Variants in ADGRL2 observed in about 807,000 individuals in gnomAD.
The protein encoded by ADGRL2 is calcium-independent alpha-latrotoxin receptor 2.
In ADGRL2, 44 loss-of-function variants were observed where a neutral mutation model predicts 157.4. That is an observed-to-expected ratio of 0.28 (90% confidence interval 0.22 to 0.36). ADGRL2 has a LOEUF of 0.36. Among genes scored for constraint, ADGRL2 ranks in the 10% least tolerant of loss-of-function variants. ADGRL2 has a pLI of 1.00. For synonymous variants in ADGRL2, 585 were observed against 624.7 expected, an observed-to-expected ratio of 0.94 and a Z score of 0.95; for missense variants, 1,510 against 1,768.9, an observed-to-expected ratio of 0.85 and a Z score of 2.63.
chr1:81,798,085 G>A (rs1345840276), upstream of ADGRL2, among the ~76,000 whole-genome samples: 3 of 152,168 alleles, frequency 2.0e-5, no homozygotes, highest in Non-Finnish European at 4.4e-5. Context: ...TGCAGGGAAT[G>A]CGTAACATAC....
intron 17 of ADGRL2, among the ~76,000 whole-genome samples, chr1:81,973,939 A>AT (rs1659476449): frequency 7.3e-6 from 1 of 137,868 alleles, no homozygotes; most frequent in East Asian, 2.0e-4. Flanking sequence ...TGTGGGGAAA[A>AT]AATATATATA....
At chr1:81,413,823 C>G (rs935881987) in intron 1 of ADGRL2, among the ~76,000 whole-genome samples, 3 of 151,862 alleles carry the variant, frequency 2.0e-5, no homozygotes, top group Non-Finnish European at 2.9e-5. Context: ...TATATACACA[C>G]ATACACATAC....
chr1:81,636,101 C>A (rs2082109877), intron 3 of ADGRL2, among the ~76,000 whole-genome samples: 1 of 152,172 alleles, frequency 6.6e-6, no homozygotes, highest in Non-Finnish European at 1.5e-5. Context: ...CATTTGTAGA[C>A]TGGCTGACCT....
At chr1:81,498,675 C>G (rs2078779933) in intron 2 of ADGRL2, among the ~76,000 whole-genome samples, 2 of 152,112 alleles carry the variant, frequency 1.3e-5, no homozygotes, top group Admixed American at 1.3e-4. Flanking sequence ...GCAAGCTATT[C>G]TCTTTAAATT....
intron 1 of ADGRL2, among the ~76,000 whole-genome samples, chr1:81,358,743 C>T (rs1246823378): frequency 6.6e-6 from 1 of 151,982 alleles, no homozygotes; most frequent in Non-Finnish European, 1.5e-5. Context: ...CTACTGTTGT[C>T]CTCACCTAGA....
chr1:81,400,144 G>T (rs543298040), intron 1 of ADGRL2, among the ~76,000 whole-genome samples: 1 of 152,182 alleles, frequency 6.6e-6, no homozygotes, highest in African/African-American at 2.4e-5. Context: ...AGTGGTAAGG[G>T]CTTTGGGGGG....
chr1:81,727,870 T>C (rs1410232657), intron 1 of ADGRL2, among the ~76,000 whole-genome samples: 1 of 151,826 alleles, frequency 6.6e-6, no homozygotes, highest in African/African-American at 2.4e-5. Context: ...GGTTATGGAC[T>C]TTTTTTAACA....
At chr1:81,598,446 T>G (rs1180953063) in intron 3 of ADGRL2, among the ~76,000 whole-genome samples, 1 of 152,248 alleles carries the variant, frequency 6.6e-6, no homozygotes, top group Non-Finnish European at 1.5e-5. Flanking sequence ...TTGTTCACCC[T>G]GTACATATAA....
chr1:81,361,090 T>C (rs573733821), intron 1 of ADGRL2, among the ~76,000 whole-genome samples: 1 of 152,074 alleles, frequency 6.6e-6, no homozygotes, highest in South Asian at 2.1e-4. Flanking sequence ...TTCAGTCTTA[T>C]ATTTTAAAAG....
intron 1 of ADGRL2, among the ~76,000 whole-genome samples, chr1:81,807,672 A>C (rs2089330436): frequency 6.6e-6 from 1 of 151,972 alleles, no homozygotes; most frequent in African/African-American, 2.4e-5. Context: ...AGGGTCTGTC[A>C]ACCCTAAATT....
rs183696014 is a variant in ADGRL2, at chr1:81,333,145, G to A, written c.-302+26636G>A. 2.8e-3 allele frequency among the ~76,000 whole-genome samples: 428 copies of A among 152,194 alleles called. 4 individuals are homozygous for A. The highest frequency in any genetic ancestry group is 5.1e-3 in the Non-Finnish European group (350 of 68,006). ...TCATTTAAAAGGTGTTTATGTTAAGGCTTTCCTTAGCATCTACCAGAGTGT... is the reference window on the plus strand; with the variant it reads ...TCATTTAAAAGGTGTTTATGTTAAGACTTTCCTTAGCATCTACCAGAGTGT... On this transcript the variant is annotated intron_variant, in intron 1 of 24. Coordinates refer to the ADGRL2 transcript ENST00000370721.
intron 1 of ADGRL2, among the ~76,000 whole-genome samples, chr1:81,382,307 C>T (rs1353826420): frequency 2.0e-5 from 3 of 152,066 alleles, no homozygotes; most frequent in Non-Finnish European, 4.4e-5. Flanking sequence ...CCAGATTGAA[C>T]ATATGAGATT....
intron 2 of ADGRL2, among the ~76,000 whole-genome samples, chr1:81,888,571 T>C (rs1349365054): frequency 3.3e-5 from 5 of 151,620 alleles, no homozygotes. Flanking sequence ...CCCGAGTAGC[T>C]AGGACTACAG....
chr1:81,696,486 C>T (rs2083445423), upstream of ADGRL2, among the ~76,000 whole-genome samples: 4 of 152,130 alleles, frequency 2.6e-5, no homozygotes, highest in South Asian at 6.2e-4. Context: ...GGCGCGGTGG[C>T]TCACGCCTGT....
At chr1:81,667,827 T>A (rs1338874946) in intron 3 of ADGRL2, among the ~76,000 whole-genome samples, 1 of 152,112 alleles carries the variant, frequency 6.6e-6, no homozygotes, top group Non-Finnish European at 1.5e-5. Flanking sequence ...GTCCAAGACA[T>A]CTACTTTTAA....
At chr1:81,433,137 G>A in intron 1 of ADGRL2, among the ~76,000 whole-genome samples, 1 of 152,212 alleles carries the variant, frequency 6.6e-6, no homozygotes, top group South Asian at 2.1e-4. Context: ...TAACATATTT[G>A]TATGCCAAGA....
At chr1:81,400,656 C>T (rs1282457593) in intron 1 of ADGRL2, among the ~76,000 whole-genome samples, 1 of 152,080 alleles carries the variant, frequency 6.6e-6, no homozygotes, top group Non-Finnish European at 1.5e-5. Flanking sequence ...TGAAGCTCAG[C>T]TGTATCCTAG....
chr1:81,622,834 C>T (rs564355098), intron 3 of ADGRL2, among the ~76,000 whole-genome samples: 3 of 152,318 alleles, frequency 2.0e-5, no homozygotes, highest in African/African-American at 7.2e-5. Context: ...TGACCTTAAA[C>T]ATCATTGTTA....
chr1:81,726,591 C>T (rs2149156160), intron 1 of ADGRL2, among the ~76,000 whole-genome samples: 1 of 152,188 alleles, frequency 6.6e-6, no homozygotes, highest in East Asian at 1.9e-4. Flanking sequence ...GGAGTCGTTC[C>T]CCAAAGAAAA....
Sources: gnomAD v4.1 joint callset for allele counts (sites outside exome capture counted in the v4.1 genomes callset) on GRCh38, gnomAD v4.1.1 for gene constraint, MANE v1.5 for transcripts, NCBI Gene and HGNC (gene_info 2026-07-23, HGNC 2026-07-21) for gene names.